Variants in DOCK8 observed in about 807,000 individuals in gnomAD.
The protein encoded by DOCK8 is dedicator of cytokinesis protein 8.
DOCK8 carries 141 observed loss-of-function variants against 245.6 expected under a neutral mutation model. That is an observed-to-expected ratio of 0.57 (90% CI 0.50 to 0.66). DOCK8 has a LOEUF of 0.66. Ranked by LOEUF, DOCK8 falls within the 30% of genes least tolerant of loss-of-function variation. The probability of loss-of-function intolerance (pLI) is 0.00; values close to 1 mark genes in which losing one functional copy is unlikely to be tolerated. For missense variants in DOCK8, 2,965 were observed against 2,603.4 expected (o/e 1.14, Z -3.02); for synonymous variants, 1,168 against 970.2 (o/e 1.20, Z -3.79).
intron 1 of DOCK8, among the ~76,000 whole-genome samples, chr9:233,634 C>G (rs955529753): frequency 3.9e-5 from 6 of 152,152 alleles, no homozygotes; most frequent in Non-Finnish European, 8.8e-5. Flanking sequence ...TTGAATTGAT[C>G]CCTTTACCAT....
intron 35 of DOCK8, among the ~76,000 whole-genome samples, chr9:429,051 T>A (rs889694700): frequency 3.9e-5 from 6 of 152,242 alleles, no homozygotes; most frequent in Admixed American, 3.3e-4. Context: ...CACTGCAGCC[T>A]CTGCGCCCTG....
rs1240806603 is a variant in DOCK8, at chr9:215,275, C to T, written c.53+246C>T. The T allele has an allele frequency of 5.0e-6, 8 of 1,607,360 alleles. No individual in the cohort carries two copies. In the South Asian group the frequency reaches 6.7e-5, roughly 13 times the overall value. ...GGTGCTCCTGGATGTCCTCAGCCGC[C>T]GGGGATCCCTTCCCCGAACAACCTC... On this transcript the variant is annotated intron_variant, in intron 1 of 47. Transcript: ENST00000432829.
intron 5 of DOCK8, among the ~76,000 whole-genome samples, chr9:309,205 T>C (rs1032876439): frequency 9.9e-5 from 15 of 152,236 alleles, no homozygotes; most frequent in African/African-American, 3.6e-4. Flanking sequence ...TGTATCTTGA[T>C]ATCCTTTTAA....
chr9:339,429 T>G (rs1469880022), intron 13 of DOCK8, among the ~76,000 whole-genome samples: 1 of 152,238 alleles, frequency 6.6e-6, no homozygotes. Flanking sequence ...GATGCTTTGG[T>G]AGAAGGCAAA....
At chr9:342,843 A>G (rs1352987510) in intron 14 of DOCK8, among the ~76,000 whole-genome samples, 2 of 152,118 alleles carry the variant, frequency 1.3e-5, no homozygotes, top group Admixed American at 6.5e-5. Flanking sequence ...GTTGATACGC[A>G]TTTAAGTCTT....
At chr9:262,031 G>GAAAGAA (rs149265145) in intron 1 of DOCK8, among the ~76,000 whole-genome samples, 1,559 of 146,320 alleles carry the variant, frequency 0.011, 24 homozygotes, top group African/African-American at 0.037. Context: ...AAGAAAGAAA[G>GAAAGAA]AAAGACACCG....
At chr9:297,647 C>G (rs893639577) in intron 4 of DOCK8, among the ~76,000 whole-genome samples, 4 of 152,106 alleles carry the variant, frequency 2.6e-5, no homozygotes, top group Non-Finnish European at 5.9e-5. Context: ...AGTCTCACTG[C>G]CTACCCAGTG....
At chr9:400,947 T>TCACCACCAC in intron 26 of DOCK8, among the ~76,000 whole-genome samples, 2 of 28,542 alleles carry the variant, frequency 7.0e-5, no homozygotes, top group Middle Eastern at 0.04. Context: ...ACCACCACCA[T>TCACCACCAC]CACCACCACC....
At chr9:370,057 C>T (rs1349453087) in intron 15 of DOCK8, 173 bp from the exon 16 acceptor site, 3 of 658,752 alleles carry the variant, frequency 4.6e-6, no homozygotes, top group Admixed American at 2.2e-5. Context: ...CCCACGCCGA[C>T]CTCCCAGAGT....
intron 6 of DOCK8, among the ~76,000 whole-genome samples, chr9:313,485 A>T (rs2050212639): frequency 6.6e-6 from 1 of 152,192 alleles, no homozygotes; most frequent in South Asian, 2.1e-4. Context: ...AGTTTTTGTC[A>T]GCAGCCTCAA....
At chr9:265,042 C>T (rs1241607362) in intron 1 of DOCK8, among the ~76,000 whole-genome samples, 5 of 152,198 alleles carry the variant, frequency 3.3e-5, no homozygotes, top group African/African-American at 1.2e-4. Flanking sequence ...AGCGATTCTC[C>T]TGCCTCAACC....
chr9:216,724 CTT>C (rs1341549292), intron 1 of DOCK8, among the ~76,000 whole-genome samples: 1 of 151,968 alleles, frequency 6.6e-6, no homozygotes, highest in Admixed American at 6.6e-5. Context: ...GATCCTCTGT[CTT>C]TGTGAATTTT....
Position 434,771 on chromosome 9 carries a change from A to G in DOCK8, c.4887-12A>G. 1.9e-6 allele frequency: 3 copies of G among 1,613,796 alleles called. No homozygotes were observed. Among genetic ancestry groups the G allele is most frequent in the East Asian group, 2.2e-5 (1 of 44,890 alleles). Reference sequence around the variant, plus strand: ...TGTCCTCAAAACTACTTCTCACTCAATCTGTCTTCAGAATTGCCAAGAGTT... The same window carrying G: ...TGTCCTCAAAACTACTTCTCACTCAGTCTGTCTTCAGAATTGCCAAGAGTT... On this transcript the variant is annotated splice_polypyrimidine_tract_variant and intron_variant, in intron 38 of 47. Transcript: ENST00000432829.
At chr9:360,927 A>G (rs569778370) in intron 14 of DOCK8, among the ~76,000 whole-genome samples, 24 of 152,288 alleles carry the variant, frequency 1.6e-4, no homozygotes, top group African/African-American at 5.3e-4. Context: ...TAGGAGGCCC[A>G]GGCATGAGGA....
At chr9:385,487 T>G (rs1054157650) in intron 22 of DOCK8, among the ~76,000 whole-genome samples, 3 of 152,230 alleles carry the variant, frequency 2.0e-5, no homozygotes, top group Non-Finnish European at 4.4e-5. Flanking sequence ...TCCTAATAAT[T>G]TCACTATATG....
chr9:350,629 T>C (rs558409918), intron 14 of DOCK8, among the ~76,000 whole-genome samples: 2 of 152,328 alleles, frequency 1.3e-5, no homozygotes, highest in East Asian at 1.9e-4. Context: ...AAGGAATTGA[T>C]TGATGGCTGC....
intron 1 of DOCK8, among the ~76,000 whole-genome samples, chr9:258,797 C>T (rs1213928785): frequency 6.6e-6 from 1 of 151,868 alleles, no homozygotes; most frequent in African/African-American, 2.4e-5. Context: ...GGGGTTTCAC[C>T]ACGTTGGCCA....
chr9:310,889 C>T (rs964753920), intron 5 of DOCK8, among the ~76,000 whole-genome samples: 3 of 152,298 alleles, frequency 2.0e-5, no homozygotes, highest in African/African-American at 4.8e-5. Flanking sequence ...TGTTCATCCC[C>T]GACTGTGGGT....
intron 1 of DOCK8, among the ~76,000 whole-genome samples, chr9:248,165 C>CTA (rs1488625238): frequency 6.6e-6 from 1 of 152,200 alleles, no homozygotes; most frequent in African/African-American, 2.4e-5. Context: ...GTGTCACCTG[C>CTA]TACCACATTC....
Sources: allele counts gnomAD v4.1 joint callset (sites outside exome capture counted in the v4.1 genomes callset), GRCh38; gene constraint gnomAD v4.1.1; transcripts MANE v1.5; gene names NCBI Gene and HGNC (gene_info 2026-07-23, HGNC 2026-07-21).